ADCY3: variants seen among roughly 807,000 people sequenced by gnomAD.
The protein encoded by ADCY3 is adenylate cyclase type 3.
In ADCY3, 70 loss-of-function variants were observed where a neutral mutation model predicts 119.4. The observed-to-expected ratio is 0.59, with a 90% CI of 0.48 to 0.72. The LOEUF is 0.72. ADCY3 is among the 30% of genes least tolerant of loss of function. The probability of loss-of-function intolerance (pLI) is 0.00; values close to 1 mark genes in which losing one functional copy is unlikely to be tolerated. For synonymous variants in ADCY3, 672 were observed against 621.4 expected (o/e 1.08, Z -1.21); for missense variants, 1,238 against 1,541.6 (o/e 0.80, Z 3.30).
At chr2:24,856,512 C>T (rs1673018261) in intron 3 of ADCY3, among the ~76,000 whole-genome samples, 1 of 152,180 alleles carries the variant, frequency 6.6e-6, no homozygotes, top group Non-Finnish European at 1.5e-5. Context: ...CATGGCCTGA[C>T]TACCTAAGCA....
intron 2 of ADCY3, among the ~76,000 whole-genome samples, chr2:24,890,361 CCTCTT>C (rs1225664381): frequency 6.6e-6 from 1 of 152,120 alleles, no homozygotes; most frequent in African/African-American, 2.4e-5. Context: ...AATGTTCCCT[CCTCTT>C]CTACTTTCTG....
chr2:24,832,859 A>G (rs1020587110), intron 11 of ADCY3, among the ~76,000 whole-genome samples: 10 of 151,328 alleles, frequency 6.6e-5, no homozygotes, highest in Admixed American at 4.6e-4. Context: ...TTGCCTCTCC[A>G]CTCTCATCTT....
chr2:24,900,340 G>T (rs1573027603), intron 2 of ADCY3, among the ~76,000 whole-genome samples: 1 of 117,416 alleles, frequency 8.5e-6, no homozygotes, highest in African/African-American at 3.2e-5. Flanking sequence ...GCCAGACTCT[G>T]TCTCAAAAAA....
At chr2:24,896,186 C>A (rs1219243614) in intron 2 of ADCY3, among the ~76,000 whole-genome samples, 2 of 152,100 alleles carry the variant, frequency 1.3e-5, no homozygotes. Flanking sequence ...GAGTTTGAGA[C>A]CAGCCTGGTC....
intron 8 of ADCY3, among the ~76,000 whole-genome samples, chr2:24,837,687 T>G (rs2148537122): frequency 6.6e-6 from 1 of 152,196 alleles, no homozygotes. Context: ...TAAGACAACC[T>G]CCAGATTCAG....
intron 9 of ADCY3, 152 bp from the exon 10 acceptor site, chr2:24,835,088 TC>T: frequency 9.4e-7 from 1 of 1,063,794 alleles, no homozygotes; most frequent in Non-Finnish European, 1.3e-6. Flanking sequence ...CGGGAAGTCT[TC>T]CCCATGCTCC....
intron 2 of ADCY3, among the ~76,000 whole-genome samples, chr2:24,910,668 T>C (rs1007502772): frequency 1.0e-4 from 15 of 150,714 alleles, no homozygotes; most frequent in East Asian, 5.8e-4. Flanking sequence ...TTTCTTTTTT[T>C]TTTTTTTTTG....
At position 24,898,252 on chromosome 2, in the gene ADCY3, T is replaced by C. The variant is rs1678509470; in HGVS notation, c.675+20061A>G. 6.6e-6 allele frequency among the ~76,000 whole-genome samples: 1 copy of C among 151,820 alleles called. No individual in the cohort carries two copies. The highest frequency in any genetic ancestry group is 2.1e-4 in the South Asian group (1 of 4,802). On this transcript the variant is annotated intron_variant, in intron 2 of 21. Transcript: ENST00000679454. The surrounding 1 kb of genome is among the most constrained non-coding windows in gnomAD (Gnocchi z 4.3). The stretch of plus-strand genomic sequence containing the variant: ...CCTCCTGAGGGGCTTTTCTCTCCAC[T>C]CTCCCAGTTCGTGCGCCACAGAGGC...
At chr2:24,900,451 C>T (rs377340199) in intron 2 of ADCY3, among the ~76,000 whole-genome samples, 1 of 151,966 alleles carries the variant, frequency 6.6e-6, no homozygotes, top group Non-Finnish European at 1.5e-5. Context: ...AATGGGGGGG[C>T]CATACCCCCA....
chr2:24,870,345 GA>G (rs985394971), intron 3 of ADCY3, among the ~76,000 whole-genome samples: 5 of 141,492 alleles, frequency 3.5e-5, no homozygotes, highest in African/African-American at 1.3e-4. Flanking sequence ...AAAAAAGAAA[GA>G]AAAAAAAATC....
At position 24,898,113 on chromosome 2, in the gene ADCY3, C is replaced by T. The variant is rs988094555; in HGVS notation, c.675+20200G>A. ...CTCTCCAGTCAGAGGTTCTCCACTACCCCGTCTATGTTCACCCCCAGACCT... is the reference window on the plus strand; with the variant it reads ...CTCTCCAGTCAGAGGTTCTCCACTATCCCGTCTATGTTCACCCCCAGACCT... On this transcript the variant is annotated intron_variant, in intron 2 of 21. Transcript: ENST00000679454. The surrounding 1 kb of genome is among the most constrained non-coding windows in gnomAD (Gnocchi z 4.3). 1.3e-5 allele frequency among the ~76,000 whole-genome samples: 2 copies of T among 152,160 alleles called. No individual in the cohort carries two copies. Among genetic ancestry groups the T allele is most frequent in the Non-Finnish European group, 2.9e-5 (2 of 68,030 alleles).
chr2:24,883,008 C>G (rs13030692), intron 2 of ADCY3, among the ~76,000 whole-genome samples: 2,775 of 149,944 alleles, frequency 0.019, 62 homozygotes, highest in African/African-American at 0.058. Flanking sequence ...TGCAGTGAGC[C>G]GAGATCACAC....
intron 16 of ADCY3, among the ~76,000 whole-genome samples, chr2:24,825,289 T>C (rs1217071058): frequency 6.7e-6 from 1 of 148,716 alleles, no homozygotes; most frequent in African/African-American, 2.5e-5. Flanking sequence ...TTCCCTCTCT[T>C]CCTTCTCTTT....
chr2:24,858,015 T>TTTTTTA (rs1208863865), intron 3 of ADCY3, among the ~76,000 whole-genome samples: 7 of 124,716 alleles, frequency 5.6e-5, no homozygotes, highest in African/African-American at 1.9e-4. Context: ...TTTTTTTTTT[T>TTTTTTA]AAAGAGACAG....
In ADCY3 at chr2:24,872,842, AATGTCC is replaced by A; in HGVS notation, c.676-129_676-124del. 8.3e-7 allele frequency: 1 copy of A among 1,199,506 alleles called. No homozygotes were observed. The highest frequency in any genetic ancestry group is 1.5e-5 in the South Asian group (1 of 67,704). The allele number at this position is 1,199,506 out of a possible 1,614,324, so 74.3% of individuals were successfully genotyped here. A position where few individuals can be genotyped will look rare whatever the true frequency, so the allele number is the denominator to read the frequency against. ...ACCAAAATCAAACCTCAAGTTGCCC[AATGTCC>A]AGGGAGGGGCCCAGCACAGCCTTGG... is the stretch of plus-strand genomic sequence containing the variant. On this transcript the variant is annotated intron_variant, in intron 2 of 21. Coordinates refer to ENST00000679454, the MANE Select transcript of ADCY3 (RefSeq NM_004036.5). This position sits in a 1 kb window ranked among gnomAD's most constrained non-coding sequence, Gnocchi z 4.4.
At chr2:24,827,687 A>G in intron 14 of ADCY3, 79 bp from the exon 15 acceptor site, 1 of 1,482,704 alleles carries the variant, frequency 6.7e-7, no homozygotes, top group Non-Finnish European at 9.2e-7. Flanking sequence ...GGGGTATCCC[A>G]AGTCCTCCAC....
At chr2:24,905,996 T>C (rs1679403652) in intron 2 of ADCY3, among the ~76,000 whole-genome samples, 1 of 152,056 alleles carries the variant, frequency 6.6e-6, no homozygotes, top group Non-Finnish European at 1.5e-5. Context: ...TACGCCGTAA[T>C]TGTGAAGGCC....
At chr2:24,825,437 C>T (rs763747003) in intron 16 of ADCY3, among the ~76,000 whole-genome samples, 2 of 149,662 alleles carry the variant, frequency 1.3e-5, no homozygotes, top group Non-Finnish European at 2.9e-5. Flanking sequence ...TAGATTCAAG[C>T]AATCCTCCTG....
chr2:24,851,076 C>T (rs1672236877), intron 3 of ADCY3, among the ~76,000 whole-genome samples: 1 of 152,180 alleles, frequency 6.6e-6, no homozygotes, highest in African/African-American at 2.4e-5. Context: ...AAACATGGAA[C>T]TTCCTGTTGC....
Sources: gnomAD v4.1 joint callset for allele counts (sites outside exome capture counted in the v4.1 genomes callset) on GRCh38, gnomAD v4.1.1 for gene constraint, Gnocchi (gnomAD v3.1) non-coding constraint, MANE v1.5 for transcripts, NCBI Gene and HGNC (gene_info 2026-07-23, HGNC 2026-07-21) for gene names.